RYR2: variants seen among roughly 807,000 people sequenced by gnomAD.
The protein encoded by RYR2 is cardiac muscle ryanodine receptor-calcium release channel.
Under a neutral mutation model 601.1 loss-of-function variants are expected in RYR2, and 227 were observed. The observed-to-expected ratio is 0.38, with a 90% CI of 0.34 to 0.42. RYR2 has a LOEUF of 0.42. Among genes scored for constraint, RYR2 ranks in the 10% least tolerant of loss-of-function variants. RYR2 has a pLI of 1.00. For synonymous variants in RYR2, 2,223 were observed against 2,175.1 expected (o/e 1.02, Z -0.61); for missense variants, 4,646 against 6,156.5 (o/e 0.75, Z 8.21).
intron 1 of RYR2, among the ~76,000 whole-genome samples, chr1:237,135,517 C>G (rs1672670279): frequency 6.7e-6 from 1 of 148,726 alleles, no homozygotes; most frequent in African/African-American, 2.5e-5. Flanking sequence ...CTGCAGGCAC[C>G]CGCCACCACA....
chr1:237,549,470 G>T (rs1048062903), intron 26 of RYR2, among the ~76,000 whole-genome samples: 1 of 151,754 alleles, frequency 6.6e-6, no homozygotes, highest in Non-Finnish European at 1.5e-5. Flanking sequence ...GCTACTCAGG[G>T]GGCTGAGGTG....
At position 237,406,032 on chromosome 1, in the gene RYR2, C is replaced by G. The variant is rs570319262; in HGVS notation, c.774-11017C>G. On this transcript the variant is annotated intron_variant, in intron 10 of 104. Transcript: ENST00000366574. ...CTGCCACGCTCTCATTCCTCATATC[C>G]TCATTCTTTTCTTTGCATGCTGAAT... Among the ~76,000 whole-genome samples, 848 of 151,612 alleles carry G rather than the reference C, an allele frequency of 5.6e-3. 4 individuals carry two copies. Among genetic ancestry groups the G allele is most frequent in the Non-Finnish European group, 9.4e-3 (636 of 67,832 alleles).
At chr1:237,122,628 G>C (rs1670926920) in intron 1 of RYR2, among the ~76,000 whole-genome samples, 1 of 152,226 alleles carries the variant, frequency 6.6e-6, no homozygotes, top group East Asian at 1.9e-4. Context: ...ATTGCAGTGA[G>C]CTGAGATCGC....
chr1:237,595,006 A>G (rs1346525308), intron 33 of RYR2, among the ~76,000 whole-genome samples: 1 of 142,128 alleles, frequency 7.0e-6, no homozygotes, highest in African/African-American at 2.6e-5. Context: ...GCCAAATTTT[A>G]AGTATATCAA....
In RYR2 at chr1:237,717,394, TAATGATCATCTGA is replaced by T; in HGVS notation, c.10494+27_10494+39del. The T allele has an allele frequency of 1.9e-6, 3 of 1,552,620 alleles. No individual in the cohort carries two copies. The Admixed American group carries it at 5.6e-5, about 29-fold the overall frequency. On this transcript the variant is annotated intron_variant, in intron 72 of 104. Coordinates refer to ENST00000366574, the MANE Select transcript of RYR2 (RefSeq NM_001035.3). ...GTAAGTCTCCTTTTCATCCCAGCGG[TAATGATCATCTGA>T]CCTCCAGACTCTCAGTGTTTGATTC...
At chr1:237,193,181 G>A (rs115684716) in intron 1 of RYR2, among the ~76,000 whole-genome samples, 1,945 of 18,406 alleles carry the variant, frequency 0.11, 11 homozygotes, top group Middle Eastern at 0.18. Context: ...AAAAAAAAAA[G>A]AAGGCCGGGT....
intron 1 of RYR2, among the ~76,000 whole-genome samples, chr1:237,110,887 G>T (rs2148586009): frequency 6.6e-6 from 1 of 152,328 alleles, no homozygotes; most frequent in East Asian, 1.9e-4. Flanking sequence ...GCTTGTATTT[G>T]TTATTTAATC....
At chr1:237,793,421 A>G (rs1455259457) in intron 94 of RYR2, among the ~76,000 whole-genome samples, 1 of 152,202 alleles carries the variant, frequency 6.6e-6, no homozygotes, top group African/African-American at 2.4e-5. Context: ...TCAAAATAGT[A>G]TGTGGTGATG....
At chr1:237,175,531 T>C (rs1487666191) in intron 1 of RYR2, among the ~76,000 whole-genome samples, 1 of 152,222 alleles carries the variant, frequency 6.6e-6, no homozygotes, top group African/African-American at 2.4e-5. Context: ...TGTGTATATG[T>C]GCACCAATAA....
At chr1:237,818,917 GA>G (rs1415574199) in intron 100 of RYR2, 118 bp from the exon 101 acceptor site, 7 of 843,666 alleles carry the variant, frequency 8.3e-6, no homozygotes, top group Non-Finnish European at 1.3e-5. Context: ...AGGCAATATA[GA>G]ATGCAAAAAT....
intron 73 of RYR2, among the ~76,000 whole-genome samples, chr1:237,719,639 C>T (rs901310779): frequency 6.6e-6 from 1 of 152,068 alleles, no homozygotes; most frequent in East Asian, 1.9e-4. Context: ...AGTTTTGCCC[C>T]GTGATCAACT....
intron 1 of RYR2, among the ~76,000 whole-genome samples, chr1:237,200,687 A>G (rs549404321): frequency 6.6e-6 from 1 of 152,338 alleles, no homozygotes; most frequent in South Asian, 2.1e-4. Flanking sequence ...ATGGTGAGCA[A>G]ATTGATACTT....
intron 92 of RYR2, among the ~76,000 whole-genome samples, chr1:237,789,348 T>C (rs1190861318): frequency 2.0e-5 from 3 of 152,230 alleles, no homozygotes; most frequent in Non-Finnish European, 2.9e-5. Flanking sequence ...TTATGTATTA[T>C]ATATTTTATG....
chr1:237,546,993 A>ATATATATATATATATATATATATATT (rs746133377), intron 25 of RYR2, among the ~76,000 whole-genome samples: 31 of 127,382 alleles, frequency 2.4e-4, no homozygotes, highest in Non-Finnish European at 3.4e-4. Context: ...ATATATATAT[A>ATATATATATATATATATATATATATT]TATTTATTTA....
rs182343302 is a variant in RYR2 at position 237,286,224 on chromosome 1, T to C, written c.168+15608T>C. Among the ~76,000 whole-genome samples, 137 of 152,238 alleles carry C rather than the reference T, an allele frequency of 9.0e-4. 1 individual carries two copies. Among genetic ancestry groups the C allele is most frequent in the African/African-American group, 3.1e-3 (129 of 41,556 alleles). On this transcript the variant is annotated intron_variant, in intron 2 of 104. Coordinates refer to ENST00000366574, the MANE Select transcript of RYR2 (RefSeq NM_001035.3). The stretch of plus-strand genomic sequence containing the variant: ...GAGGTTTTGATAGCTTGTGTCATTA[T>C]TGTTGTCTGGTTCAAATAATTTTTT...
intron 64 of RYR2, among the ~76,000 whole-genome samples, chr1:237,699,945 A>C (rs1253314364): frequency 6.6e-6 from 1 of 152,214 alleles, no homozygotes; most frequent in Non-Finnish European, 1.5e-5. Context: ...GTGTTTTGTT[A>C]GTTAAATTGG....
intron 29 of RYR2, among the ~76,000 whole-genome samples, chr1:237,580,080 C>T (rs978366488): frequency 1.6e-4 from 24 of 151,440 alleles, no homozygotes; most frequent in African/African-American, 5.3e-4. Context: ...CTAATTCTTA[C>T]GACTGTGAGG....
intron 3 of RYR2, among the ~76,000 whole-genome samples, chr1:237,339,513 A>G (rs1283744281): frequency 6.6e-6 from 1 of 152,170 alleles, no homozygotes; most frequent in Non-Finnish European, 1.5e-5. Flanking sequence ...AACCACAGCT[A>G]AAAGATTAGT....
chr1:237,795,836 G>GTGTATATATATATATATA (rs371932356), intron 96 of RYR2, among the ~76,000 whole-genome samples: 43 of 132,668 alleles, frequency 3.2e-4, no homozygotes, highest in South Asian at 7.2e-4. Context: ...GTGTGTGTGT[G>GTGTATATATATATATATA]TATATATATA....
Sources: allele counts gnomAD v4.1 joint callset (sites outside exome capture counted in the v4.1 genomes callset), GRCh38; gene constraint gnomAD v4.1.1; transcripts MANE v1.5; gene names NCBI Gene and HGNC (gene_info 2026-07-23, HGNC 2026-07-21).